The following CEP85 variants were observed in gnomAD, a reference collection of about 807,000 sequenced individuals.
CEP85 encodes centrosomal protein of 85 kDa.
In CEP85, 58 loss-of-function variants were observed where a neutral mutation model predicts 93.7. That is an observed-to-expected ratio of 0.62 (90% CI 0.50 to 0.77). CEP85 has a LOEUF of 0.77. Among genes scored for constraint, CEP85 ranks in the 30% least tolerant of loss-of-function variants. The probability of loss-of-function intolerance (pLI) is 0.00; values close to 1 mark genes in which losing one functional copy is unlikely to be tolerated. For missense variants in CEP85, 868 were observed against 922.0 expected, an observed-to-expected ratio of 0.94 and a Z score of 0.76; for synonymous variants, 314 against 338.6, an observed-to-expected ratio of 0.93 and a Z score of 0.80.
chr1:26,252,778 TC>T (rs1233738502), intron 3 of CEP85, among the ~76,000 whole-genome samples: 3 of 152,182 alleles, frequency 2.0e-5, no homozygotes, highest in African/African-American at 7.2e-5. Context: ...ATCCCCAAGA[TC>T]ATCTTCAGTA....
chr1:26,268,691 A>G (rs1474490632), intron 8 of CEP85, 56 bp downstream of exon 8: 7 of 1,507,086 alleles, frequency 4.6e-6, no homozygotes, highest in Non-Finnish European at 6.3e-6. Context: ...AGGCAGGGGA[A>G]CTTTTTCATC....
At chr1:26,234,918 G>A (rs779944259) in intron 1 of CEP85, among the ~76,000 whole-genome samples, 1 of 152,202 alleles carries the variant, frequency 6.6e-6, no homozygotes, top group Non-Finnish European at 1.5e-5. Context: ...CAGCTCCAGG[G>A]CTTGCTACTG....
At chr1:26,236,013 A>G (rs1463995563) in intron 1 of CEP85, among the ~76,000 whole-genome samples, 3 of 152,258 alleles carry the variant, frequency 2.0e-5, no homozygotes, top group Non-Finnish European at 2.9e-5. Context: ...TGCTCATATA[A>G]TTGAGGCTTG....
At position 26,276,621 on chromosome 1, in the gene CEP85, AC is replaced by A; in HGVS notation, c.1991del (p.Pro664GlnfsTer28). ...RQAQPGSPPS[P>X]DTAQLALELH... ...AGGCCCAACCAGGGTCTCCACCTTC[AC>A]CAGACACGGCCCAGCTGGCACTTGA... On this transcript the variant is annotated frameshift_variant, in exon 13 of 14. Transcript: ENST00000451429. LOFTEE classifies it high-confidence loss of function. 1 of 1,614,164 alleles carries A rather than the reference AC, an allele frequency of 6.2e-7. No individual in the cohort carries two copies. The highest frequency in any genetic ancestry group is 1.1e-5 in the South Asian group (1 of 91,080).
chr1:26,249,586 G>A (rs2089572077), intron 3 of CEP85, among the ~76,000 whole-genome samples: 3 of 152,196 alleles, frequency 2.0e-5, no homozygotes, highest in African/African-American at 7.2e-5. Flanking sequence ...GAAGAGTTCA[G>A]AATGCTTTCA....
rs573449499 is a variant in CEP85 at position 26,248,722 on chromosome 1, C to CTTTTTTTTTTTTTTTTTTTTTT, written c.208+4405_208+4426dup. ...TGTTGGCCAGTCTGGGTCTTGAACT[C>CTTTTTTTTTTTTTTTTTTTTTT]TTTTTTTTTTTTTTTTTTTTTTGAG... On this transcript the variant is annotated intron_variant, in intron 3 of 13. Transcript: ENST00000451429. 6.0e-4 allele frequency among the ~76,000 whole-genome samples: 34 copies of CTTTTTTTTTTTTTTTTTTTTTT among 56,212 alleles called. 6 individuals carry two copies. The highest frequency in any genetic ancestry group is 1.2e-3 in the Admixed American group (4 of 3,224). 36.9% of individuals were successfully genotyped at this position (56,212 alleles called of 152,430 possible).
At chr1:26,251,748 T>C (rs1384988722) in intron 3 of CEP85, among the ~76,000 whole-genome samples, 1 of 152,120 alleles carries the variant, frequency 6.6e-6, no homozygotes, top group Non-Finnish European at 1.5e-5. Context: ...GGGTGTGGGC[T>C]CAAAACTGAA....
chr1:26,252,801 A>G (rs2089639522), intron 3 of CEP85, among the ~76,000 whole-genome samples: 1 of 152,132 alleles, frequency 6.6e-6, no homozygotes, highest in Admixed American at 6.6e-5. Context: ...AGCAAATTAG[A>G]TACTATGCAT....
chr1:26,236,121 G>A (rs905823192), intron 1 of CEP85, among the ~76,000 whole-genome samples: 2 of 152,166 alleles, frequency 1.3e-5, no homozygotes, highest in Non-Finnish European at 2.9e-5. Context: ...CTAGACTACT[G>A]TAGCGTTAGA....
intron 3 of CEP85, among the ~76,000 whole-genome samples, chr1:26,251,494 G>C (rs111486799): frequency 6.6e-6 from 1 of 151,436 alleles, no homozygotes; most frequent in Non-Finnish European, 1.5e-5. Flanking sequence ...CAGGTGATCC[G>C]CCCACCTCAG....
rs1399799789 is a variant in CEP85, at chr1:26,277,568, C to G, written c.*275C>G. ...TAAGTCCTCACAAACTGTTCCCAGC[C>G]CTAGGCTGACATGAGAGACGAACAG... On this transcript the variant is annotated 3_prime_UTR_variant, in exon 14 of 14. Transcript: ENST00000451429. The G allele has an allele frequency of 6.3e-6, 2 of 315,422 alleles. No homozygotes were observed. The highest frequency in any genetic ancestry group is 1.2e-5 in the Non-Finnish European group (2 of 163,564). 19.5% of individuals were successfully genotyped at this position (315,422 alleles called of 1,614,324 possible). A position where few individuals can be genotyped will look rare whatever the true frequency, so the allele number is the denominator to read the frequency against.
At chr1:26,267,845 G>A (rs927121496) in intron 7 of CEP85, among the ~76,000 whole-genome samples, 1 of 152,110 alleles carries the variant, frequency 6.6e-6, no homozygotes, top group Non-Finnish European at 1.5e-5. Flanking sequence ...CTGGTGATCT[G>A]CATCCATTCT....
At chr1:26,265,075 C>T (rs1348590886) in intron 7 of CEP85, among the ~76,000 whole-genome samples, 1 of 150,782 alleles carries the variant, frequency 6.6e-6, no homozygotes, top group African/African-American at 2.4e-5. Flanking sequence ...CCTCCATCTC[C>T]CGGGTTCAAG....
At chr1:26,274,882 T>G in intron 11 of CEP85, 82 bp from the exon 12 acceptor site, 1 of 1,099,108 alleles carries the variant, frequency 9.1e-7, no homozygotes, top group Non-Finnish European at 1.3e-6. Flanking sequence ...CGTCACTATA[T>G]AGTCCAAGCC....
intron 1 of CEP85, among the ~76,000 whole-genome samples, chr1:26,238,007 G>A (rs2089353528): frequency 6.6e-6 from 1 of 151,800 alleles, no homozygotes; most frequent in South Asian, 2.1e-4. Flanking sequence ...GAATTGTGGA[G>A]GATGATACCC....
chr1:26,252,467 G>A (rs2089634253), intron 3 of CEP85, among the ~76,000 whole-genome samples: 1 of 152,164 alleles, frequency 6.6e-6, no homozygotes, highest in African/African-American at 2.4e-5. Context: ...AGGAGGAGGA[G>A]GTTGTGGTGA....
intron 5 of CEP85, 119 bp downstream of exon 5, chr1:26,257,849 C>A (rs959507274): frequency 1.8e-6 from 2 of 1,140,684 alleles, no homozygotes; most frequent in African/African-American, 1.5e-5. Context: ...TGTCTTGCCT[C>A]ATGGTGGAGG....
At chr1:26,265,130 C>T (rs562499534) in intron 7 of CEP85, among the ~76,000 whole-genome samples, 5 of 151,708 alleles carry the variant, frequency 3.3e-5, no homozygotes, top group Admixed American at 2.0e-4. Context: ...ATTACAGGCA[C>T]CCACCACCAT....
Position 26,255,388 on chromosome 1 carries a change from A to G in CEP85, c.426A>G (p.Pro142=), listed in dbSNP as rs577289368. 6.2e-7 allele frequency: 1 copy of G among 1,614,166 alleles called. No individual in the cohort carries two copies. The highest frequency in any genetic ancestry group is 1.3e-5 in the African/African-American group (1 of 75,048). ...NGDLGAMKHS[P]GLSRDLMYFS... is the part of the protein sequence containing the mutation. ...ACCTCGGTGCAATGAAACATTCTCCAGGCCTATCTAGAGATCTCATGTATT... is the reference window on the plus strand; with the variant it reads ...ACCTCGGTGCAATGAAACATTCTCCGGGCCTATCTAGAGATCTCATGTATT... The change falls in exon 4 of 14, where the codon CCA becomes CCG. Residue 142 remains proline (P), a synonymous_variant. Coordinates refer to ENST00000451429, the MANE Select transcript of CEP85 (RefSeq NM_001319944.2).
Sources: gnomAD v4.1 joint callset for allele counts (sites outside exome capture counted in the v4.1 genomes callset) on GRCh38, gnomAD v4.1.1 for gene constraint, MANE v1.5 for transcripts, NCBI Gene and HGNC (gene_info 2026-07-23, HGNC 2026-07-21) for gene names.